Variants in PTK2B observed in about 807,000 individuals in gnomAD.
The protein encoded by PTK2B is protein tyrosine kinase 2 beta, also known as protein-tyrosine kinase 2-beta.
PTK2B carries 71 observed loss-of-function variants against 142.9 expected under a neutral mutation model. The observed-to-expected ratio is 0.50, with a 90% CI of 0.41 to 0.61. The LOEUF (loss-of-function observed/expected upper bound fraction) is 0.61. PTK2B is among the 20% of genes least tolerant of loss of function. The pLI, the probability that PTK2B is intolerant of heterozygous loss-of-function variation, is 0.00. For synonymous variants in PTK2B, 519 were observed against 503.4 expected (o/e 1.03, Z -0.42); for missense variants, 1,105 against 1,320.4 (o/e 0.84, Z 2.53).
intron 29 of PTK2B, 75 bp from the exon 30 acceptor site, chr8:27,454,456 G>A: frequency 6.4e-7 from 1 of 1,567,982 alleles, no homozygotes; most frequent in Non-Finnish European, 8.8e-7. Context: ...CACCCCAGGA[G>A]AGCTCTTCCC....
intron 2 of PTK2B, among the ~76,000 whole-genome samples, chr8:27,415,858 A>G (rs1809370690): frequency 6.6e-6 from 1 of 152,222 alleles, no homozygotes; most frequent in Admixed American, 6.5e-5. Flanking sequence ...GAAAATGATA[A>G]AACATTACTA....
intron 2 of PTK2B, among the ~76,000 whole-genome samples, chr8:27,402,971 A>G (rs1343343619): frequency 1.3e-5 from 2 of 152,228 alleles, no homozygotes; most frequent in African/African-American, 4.8e-5. Flanking sequence ...GTTTACATGC[A>G]GAGGAGCAGC....
intron 1 of PTK2B, among the ~76,000 whole-genome samples, chr8:27,379,715 C>T (rs1435377271): frequency 2.0e-5 from 3 of 152,198 alleles, no homozygotes. Flanking sequence ...GAGTGAGTCT[C>T]TCCATCCAGG....
Position 27,440,389 on chromosome 8 carries a change from G to A in PTK2B, c.1987G>A (p.Asp663Asn), listed in dbSNP as rs754885821. 2 of 1,614,164 alleles carry A rather than the reference G, an allele frequency of 1.2e-6. No homozygotes were observed. The highest frequency in any genetic ancestry group is 1.7e-6 in the Non-Finnish European group (2 of 1,180,032). The change falls in exon 21 of 31, where the codon GAC becomes AAC. Residue 663 changes from aspartate to asparagine, a missense_variant. Coordinates refer to ENST00000346049, the MANE Select transcript of PTK2B (RefSeq NM_173176.3). Reference protein sequence around the residue: ...VLYTLMTRCWDYDPSDRPRFT... With the variant: ...VLYTLMTRCWNYDPSDRPRFT... ...TTATACCCTCATGACCCGCTGCTGG[G>A]ACTACGACCCCAGTGACCGGCCCCG...
At chr8:27,355,570 T>G (rs1805348701) in intron 1 of PTK2B, among the ~76,000 whole-genome samples, 2 of 152,216 alleles carry the variant, frequency 1.3e-5, no homozygotes, top group Admixed American at 1.3e-4. Flanking sequence ...GGTGGTAATT[T>G]GTTACAGCAA....
chr8:27,319,470 G>A (rs1161276134), intron 3 of PTK2B, among the ~76,000 whole-genome samples: 5 of 151,544 alleles, frequency 3.3e-5, no homozygotes, highest in Admixed American at 6.6e-5. Flanking sequence ...GTGAAACCCC[G>A]TCTCTACTAA....
chr8:27,343,733 C>T (rs1444882469), intron 1 of PTK2B, among the ~76,000 whole-genome samples: 3 of 152,240 alleles, frequency 2.0e-5, no homozygotes, highest in Non-Finnish European at 4.4e-5. Flanking sequence ...GGCGTGCTGG[C>T]TCATGCCTGT....
chr8:27,396,094 C>CA (rs1808033017), intron 1 of PTK2B: 1 of 152,254 alleles, frequency 6.6e-6, no homozygotes, highest in Admixed American at 6.5e-5. Context: ...GGACTCTGAG[C>CA]TTGGTGCTGC....
intron 1 of PTK2B, among the ~76,000 whole-genome samples, chr8:27,391,093 T>C (rs992546617): frequency 2.0e-5 from 3 of 151,702 alleles, no homozygotes; most frequent in African/African-American, 7.3e-5. Context: ...TTTTTTTTTT[T>C]TCTTGAGGTG....
At chr8:27,454,380 C>G (rs535420786) in intron 29 of PTK2B, 89 bp downstream of exon 29, 1 of 1,564,520 alleles carries the variant, frequency 6.4e-7, no homozygotes, top group African/African-American at 1.4e-5. Flanking sequence ...GCTGGCCCAG[C>G]AGATCCTCTT....
At chr8:27,346,531 G>A (rs1344642313) in intron 1 of PTK2B, among the ~76,000 whole-genome samples, 1 of 152,238 alleles carries the variant, frequency 6.6e-6, no homozygotes, top group Non-Finnish European at 1.5e-5. Context: ...GGGCAACAGA[G>A]CCAGACACTG....
Position 27,363,986 on chromosome 8 carries a change from C to A in PTK2B, c.-37-33562C>A, listed in dbSNP as rs1401405991. ...CAAGCAGCTCCCCCAAGTTAAGAGC[C>A]TGTGTATCAGCTGAGTCCCAGGGCC... On this transcript the variant is annotated intron_variant, in intron 1 of 30. Transcript: ENST00000346049. This position sits in a 1 kb window ranked among gnomAD's most constrained non-coding sequence, Gnocchi z 4.3. 6.6e-6 allele frequency among the ~76,000 whole-genome samples: 1 copy of A among 152,130 alleles called. No individual in the cohort carries two copies. Among genetic ancestry groups the A allele is most frequent in the Non-Finnish European group, 1.5e-5 (1 of 68,006 alleles).
At chr8:27,388,332 T>C (rs901430548) in intron 1 of PTK2B, among the ~76,000 whole-genome samples, 20 of 152,024 alleles carry the variant, frequency 1.3e-4, no homozygotes, top group Non-Finnish European at 2.6e-4. Flanking sequence ...AGAGGAGAAG[T>C]TGGAGGATAA....
At chr8:27,432,204 G>T in intron 9 of PTK2B, 56 bp from the exon 10 acceptor site, 1 of 1,541,458 alleles carries the variant, frequency 6.5e-7, no homozygotes, top group Non-Finnish European at 8.9e-7. Flanking sequence ...TGACCAATCT[G>T]CATGGCCTAG....
chr8:27,328,047 G>T (rs1056233547), intron 1 of PTK2B, among the ~76,000 whole-genome samples: 1 of 152,182 alleles, frequency 6.6e-6, no homozygotes, highest in Non-Finnish European at 1.5e-5. Flanking sequence ...GTGAGAACTC[G>T]TGGGGTTAGC....
At chr8:27,448,413 T>C (rs1811608149) in intron 24 of PTK2B, among the ~76,000 whole-genome samples, 1 of 152,252 alleles carries the variant, frequency 6.6e-6, no homozygotes, top group East Asian at 1.9e-4. Context: ...TGGAGGCGCA[T>C]TTCAGCAAAA....
intron 27 of PTK2B, chr8:27,451,730 T>C: frequency 7.1e-7 from 1 of 1,409,826 alleles, no homozygotes; most frequent in East Asian, 2.7e-5. Flanking sequence ...TCTCTCTCAG[T>C]GGCCACATCC....
intron 2 of PTK2B, among the ~76,000 whole-genome samples, chr8:27,402,145 C>G (rs534143139): frequency 3.3e-5 from 5 of 152,090 alleles, no homozygotes; most frequent in African/African-American, 2.4e-5. Context: ...AAAGCCTGCA[C>G]TCTTAACCAC....
chr8:27,433,696 G>A, intron 11 of PTK2B, 144 bp downstream of exon 11: 4 of 755,410 alleles, frequency 5.3e-6, no homozygotes, highest in Non-Finnish European at 8.6e-6. Flanking sequence ...GCTTCCAGTG[G>A]GCCCATCTTA....
Sources: gnomAD v4.1 joint callset for allele counts (sites outside exome capture counted in the v4.1 genomes callset) on GRCh38, gnomAD v4.1.1 for gene constraint, Gnocchi (gnomAD v3.1) non-coding constraint, MANE v1.5 for transcripts, NCBI Gene and HGNC (gene_info 2026-07-23, HGNC 2026-07-21) for gene names.